The following MS4A13 variants were observed in gnomAD, a reference collection of about 807,000 sequenced individuals.
MS4A13 encodes the protein membrane-spanning 4-domains subfamily A member 13.
MS4A13 carries 21 observed loss-of-function variants against 18.4 expected under a neutral mutation model. The observed-to-expected ratio is 1.14, with a 90% confidence interval of 0.81 to 1.64. MS4A13 has a LOEUF of 1.64. Among genes scored for constraint, MS4A13 ranks in the 40% most tolerant of loss-of-function variants. The pLI is 0.00. For missense variants in MS4A13, 173 were observed against 176.8 expected (o/e 0.98, Z 0.12); for synonymous variants, 62 against 57.2 (o/e 1.08, Z -0.38).
chr11:60,521,180 A>C (rs577897289), intron 3 of MS4A13, among the ~76,000 whole-genome samples: 4 of 152,130 alleles, frequency 2.6e-5, no homozygotes, highest in Admixed American at 2.6e-4. Flanking sequence ...TTTTCCTCCT[A>C]GGCTTCAGGG....
chr11:60,530,810 A>G (rs946102126), intron 6 of MS4A13, among the ~76,000 whole-genome samples: 2 of 152,148 alleles, frequency 1.3e-5, no homozygotes, highest in African/African-American at 4.8e-5. Flanking sequence ...TCCCCATGCT[A>G]TTCTCATGAT....
At chr11:60,538,177 T>TAA (rs1555025699) in intron 6 of MS4A13, among the ~76,000 whole-genome samples, 7 of 75,114 alleles carry the variant, frequency 9.3e-5, no homozygotes, top group African/African-American at 1.3e-4. Context: ...TAAAGTATAA[T>TAA]AAAAAAAAAA....
chr11:60,540,158 C>T (rs938066724), intron 6 of MS4A13, among the ~76,000 whole-genome samples: 1 of 152,112 alleles, frequency 6.6e-6, no homozygotes, highest in East Asian at 1.9e-4. Flanking sequence ...AATTTAAGGT[C>T]GTGTTATTAG....
chr11:60,529,504 T>TGC, intron 6 of MS4A13, 44 bp downstream of exon 6: 1 of 1,102,832 alleles, frequency 9.1e-7, no homozygotes, highest in Non-Finnish European at 1.3e-6. Context: ...GATGTTGATT[T>TGC]CTAGTAACTA....
In MS4A13 at chr11:60,515,500, G is replaced by A. The variant is rs201896377; in HGVS notation, c.-236G>A. On this transcript the variant is annotated 5_prime_UTR_variant, in exon 1 of 7. Coordinates refer to ENST00000378186, the MANE Select transcript of MS4A13 (RefSeq NM_001012417.3). Reference sequence around the variant, plus strand: ...CCTGGCGCTGAGCGCGTTGCCAGCCGGGATCTTCCTCTTCATCTAGGCCTG... The same window carrying A: ...CCTGGCGCTGAGCGCGTTGCCAGCCAGGATCTTCCTCTTCATCTAGGCCTG... 6.6e-6 allele frequency: 1 copy of A among 152,330 alleles called. No individual in the cohort carries two copies. The highest frequency in any genetic ancestry group is 1.5e-5 in the Non-Finnish European group (1 of 68,112). 9.4% of individuals were successfully genotyped at this position (152,330 alleles called of 1,614,324 possible). A position where few individuals can be genotyped will look rare whatever the true frequency, so the allele number is the denominator to read the frequency against.
chr11:60,539,701 C>CA (rs144595294), intron 6 of MS4A13, among the ~76,000 whole-genome samples: 12,570 of 149,708 alleles, frequency 0.084, 745 homozygotes, highest in Admixed American at 0.15. Context: ...TTGAAAGCAG[C>CA]AAAAAAAAAT....
chr11:60,528,600 G>C (rs1426479325), intron 5 of MS4A13, among the ~76,000 whole-genome samples: 1 of 152,154 alleles, frequency 6.6e-6, no homozygotes, highest in Admixed American at 6.5e-5. Context: ...ACCAAACAAA[G>C]AAGGAGGAGG....
intron 2 of MS4A13, among the ~76,000 whole-genome samples, chr11:60,517,242 T>C (rs577526499): frequency 6.6e-6 from 1 of 152,296 alleles, no homozygotes; most frequent in South Asian, 2.1e-4. Context: ...ATTGCACTTA[T>C]ATATTTCATA....
intron 6 of MS4A13, among the ~76,000 whole-genome samples, chr11:60,540,805 C>A (rs1030495290): frequency 6.6e-6 from 1 of 151,740 alleles, no homozygotes; most frequent in African/African-American, 2.4e-5. Flanking sequence ...AATAAAAACA[C>A]TAGCTATGCA....
intron 6 of MS4A13, among the ~76,000 whole-genome samples, chr11:60,532,522 C>T (rs1027750205): frequency 1.9e-4 from 29 of 152,342 alleles, no homozygotes; most frequent in African/African-American, 3.4e-4. Flanking sequence ...GAGGGTCCTA[C>T]GCCCACGGAA....
At chr11:60,517,853 C>T (rs941978243) in intron 2 of MS4A13, among the ~76,000 whole-genome samples, 3 of 152,116 alleles carry the variant, frequency 2.0e-5, no homozygotes, top group African/African-American at 7.2e-5. Context: ...ATTGAACAGC[C>T]TGTTGCTTTC....
chr11:60,527,392 CTCTCTCTCTCTCTCTCTCTG>C (rs1364229883), intron 5 of MS4A13, among the ~76,000 whole-genome samples: 4 of 122,242 alleles, frequency 3.3e-5, no homozygotes, highest in African/African-American at 1.5e-4. Flanking sequence ...CTCTCTCTCT[CTCTCTCTCTCTCTCTCTCTG>C]TGTGTGTGTG....
At position 60,516,114 on chromosome 11, in the gene MS4A13, A is replaced by G. The variant is rs543705232; in HGVS notation, c.-13+30A>G. The stretch of plus-strand genomic sequence containing the variant: ...GATTTCACTTTGACTAACTAAATTT[A>G]AGATCATGAACTATTTCATTTTTTT... On this transcript the variant is annotated intron_variant, in intron 2 of 6. Coordinates refer to ENST00000378186, the MANE Select transcript of MS4A13 (RefSeq NM_001012417.3). 5.3e-5 allele frequency: 8 copies of G among 152,324 alleles called. No individual in the cohort carries two copies. In the South Asian group the frequency reaches 1.2e-3, roughly 24 times the overall value. The allele number at this position is 152,324 out of a possible 1,614,324, so 9.4% of individuals were successfully genotyped here.
At chr11:60,528,862 T>C (rs2086739534) in intron 5 of MS4A13, among the ~76,000 whole-genome samples, 1 of 152,270 alleles carries the variant, frequency 6.6e-6, no homozygotes, top group South Asian at 2.1e-4. Context: ...CTTTGAACTC[T>C]TTTTGAATGT....
chr11:60,521,371 G>A (rs777821452), intron 3 of MS4A13, among the ~76,000 whole-genome samples: 3 of 152,066 alleles, frequency 2.0e-5, no homozygotes, highest in African/African-American at 4.8e-5. Flanking sequence ...AAATTTTTTT[G>A]AACTTTTATG....
At chr11:60,525,931 G>T (rs1245245772) in intron 5 of MS4A13, among the ~76,000 whole-genome samples, 1 of 114,972 alleles carries the variant, frequency 8.7e-6, no homozygotes, top group Non-Finnish European at 1.8e-5. Context: ...TGGGGCAAAA[G>T]ACCTTAGCAA....
Position 60,518,198 on chromosome 11 carries a change from T to C in MS4A13, c.115T>C (p.Leu39=). The change falls in exon 3 of 7, where the codon TTA becomes CTA. Residue 39 remains leucine, a synonymous_variant. Coordinates refer to ENST00000378186, the MANE Select transcript of MS4A13 (RefSeq NM_001012417.3). ...EPVTYKTGCT[L]WGIFFIIAGV... ...TGTAACTTACAAAACAGGATGTACT[T>C]TATGGGGAATTTTTGTGAGTAGAAT... 6.2e-7 allele frequency: 1 copy of C among 1,609,456 alleles called. No individual in the cohort carries two copies. Among genetic ancestry groups the C allele is most frequent in the Non-Finnish European group, 8.5e-7 (1 of 1,177,518 alleles).
At chr11:60,538,313 C>T (rs566678292) in intron 6 of MS4A13, among the ~76,000 whole-genome samples, 14 of 151,324 alleles carry the variant, frequency 9.3e-5, no homozygotes, top group South Asian at 8.4e-4. Flanking sequence ...ATACAGTTTT[C>T]GTTAGACAGG....
intron 6 of MS4A13, among the ~76,000 whole-genome samples, chr11:60,541,068 G>A (rs2086854196): frequency 1.3e-5 from 2 of 151,928 alleles, no homozygotes; most frequent in African/African-American, 4.8e-5. Context: ...AAATGACAGA[G>A]ATATTTTAAA....
Sources: gnomAD v4.1 joint callset for allele counts (sites outside exome capture counted in the v4.1 genomes callset) on GRCh38, gnomAD v4.1.1 for gene constraint, MANE v1.5 for transcripts, NCBI Gene and HGNC (gene_info 2026-07-23, HGNC 2026-07-21) for gene names.